The following UVRAG variants were observed in gnomAD, a reference collection of about 807,000 sequenced individuals.
UVRAG encodes UV radiation resistance associated.
UVRAG carries 19 observed loss-of-function variants against 78.0 expected under a neutral mutation model. That is an observed-to-expected ratio of 0.24 (90% CI 0.17 to 0.36). UVRAG has a LOEUF of 0.36. UVRAG is among the 10% of genes least tolerant of loss of function. The pLI, the probability that UVRAG is intolerant of heterozygous loss-of-function variation, is 1.00. For synonymous variants in UVRAG, 323 were observed against 324.6 expected (o/e 1.00, Z 0.05); for missense variants, 740 against 853.8 (o/e 0.87, Z 1.66).
At chr11:76,068,143 G>T (rs948734357) in intron 13 of UVRAG, among the ~76,000 whole-genome samples, 5 of 152,102 alleles carry the variant, frequency 3.3e-5, no homozygotes, top group African/African-American at 1.2e-4. Context: ...CCAAAAGGAT[G>T]GTATGCCAAA....
chr11:76,034,945 T>C (rs1199439238), intron 12 of UVRAG, among the ~76,000 whole-genome samples: 2 of 152,176 alleles, frequency 1.3e-5, no homozygotes, highest in African/African-American at 4.8e-5. Context: ...AACACACCAA[T>C]AAGCAACGGA....
intron 13 of UVRAG, among the ~76,000 whole-genome samples, chr11:76,107,625 G>A (rs958178449): frequency 1.3e-5 from 2 of 152,164 alleles, no homozygotes; most frequent in African/African-American, 2.4e-5. Flanking sequence ...GCAACCAGAG[G>A]CCCATAATCG....
intron 6 of UVRAG, among the ~76,000 whole-genome samples, chr11:75,922,163 A>G (rs1214809828): frequency 1.3e-5 from 2 of 152,084 alleles, no homozygotes; most frequent in African/African-American, 4.8e-5. Context: ...ATTTTATATT[A>G]GTATACCCAT....
chr11:76,046,091 A>G (rs1343600509), intron 12 of UVRAG, among the ~76,000 whole-genome samples: 1 of 152,206 alleles, frequency 6.6e-6, no homozygotes, highest in Non-Finnish European at 1.5e-5. Flanking sequence ...GTTAGAAAGC[A>G]ATGGAACAAT....
intron 6 of UVRAG, among the ~76,000 whole-genome samples, chr11:75,950,206 G>A (rs139645794): frequency 1.1e-4 from 17 of 152,222 alleles, no homozygotes; most frequent in African/African-American, 3.1e-4. Context: ...AAATAAAGCC[G>A]ATAGGAACAC....
intron 6 of UVRAG, among the ~76,000 whole-genome samples, chr11:75,925,069 T>C (rs1948067700): frequency 6.6e-6 from 1 of 152,232 alleles, no homozygotes; most frequent in South Asian, 2.1e-4. Flanking sequence ...TAATTTTGGC[T>C]TGAATTCACA....
chr11:75,896,458 A>G (rs899422778), intron 5 of UVRAG, among the ~76,000 whole-genome samples: 1 of 152,184 alleles, frequency 6.6e-6, no homozygotes, highest in Non-Finnish European at 1.5e-5. Flanking sequence ...TTATGAATGC[A>G]CAGTCCTAGT....
chr11:75,958,844 C>T (rs1417712413), intron 6 of UVRAG, among the ~76,000 whole-genome samples: 1 of 152,184 alleles, frequency 6.6e-6, no homozygotes, highest in Non-Finnish European at 1.5e-5. Context: ...GTTGAAATGC[C>T]TCCTTCATCC....
chr11:76,041,260 G>A (rs1303350674), intron 12 of UVRAG, among the ~76,000 whole-genome samples: 2 of 152,226 alleles, frequency 1.3e-5, no homozygotes, highest in African/African-American at 2.4e-5. Context: ...AAATAAGAGT[G>A]CAAAAGCAGG....
chr11:76,064,624 G>A (rs946883170), intron 12 of UVRAG, among the ~76,000 whole-genome samples: 4 of 152,108 alleles, frequency 2.6e-5, no homozygotes, highest in African/African-American at 9.7e-5. Context: ...ATTTTATAGT[G>A]TAACAAATTT....
At chr11:75,907,209 C>T (rs568527703) in intron 5 of UVRAG, among the ~76,000 whole-genome samples, 3 of 152,056 alleles carry the variant, frequency 2.0e-5, no homozygotes, top group South Asian at 2.1e-4. Context: ...TTTTTCTTGC[C>T]TAATTGTTCT....
intron 12 of UVRAG, among the ~76,000 whole-genome samples, chr11:76,038,987 G>A (rs545172829): frequency 2.6e-5 from 4 of 152,340 alleles, no homozygotes; most frequent in African/African-American, 7.2e-5. Flanking sequence ...ATCCTGAGCA[G>A]AGAACTCATT....
At chr11:75,955,517 T>A (rs1440444834) in intron 6 of UVRAG, among the ~76,000 whole-genome samples, 1 of 152,168 alleles carries the variant, frequency 6.6e-6, no homozygotes, top group African/African-American at 2.4e-5. Flanking sequence ...GATGACCACC[T>A]TTTAAAAACC....
Position 75,879,929 on chromosome 11 carries a change from T to C in UVRAG, c.321T>C (p.Asp107=). ...LDFGIMPDRL[D]TSVSCFVVKI... is the part of the protein sequence containing the mutation. Reference sequence around the variant, plus strand: ...TTGGAATTATGCCAGACCGTCTTGATACATCTGTGTCTTGTTTCGTGGTGA... The same window carrying C: ...TTGGAATTATGCCAGACCGTCTTGACACATCTGTGTCTTGTTTCGTGGTGA... Residue 107 remains aspartate (D), a synonymous_variant, in exon 4 of 15, where the codon GAT becomes GAC. Transcript: ENST00000356136. 6.2e-7 allele frequency: 1 copy of C among 1,614,230 alleles called. No individual in the cohort carries two copies. The highest frequency in any genetic ancestry group is 8.5e-7 in the Non-Finnish European group (1 of 1,180,030).
chr11:76,122,574 A>G (rs1952304520), intron 14 of UVRAG, among the ~76,000 whole-genome samples: 1 of 152,234 alleles, frequency 6.6e-6, no homozygotes, highest in Admixed American at 6.5e-5. Flanking sequence ...AATCGTAGTT[A>G]CTGTCTATAT....
chr11:75,956,687 CTGATA>C (rs1288647417), intron 6 of UVRAG, among the ~76,000 whole-genome samples: 2 of 152,122 alleles, frequency 1.3e-5, no homozygotes, highest in East Asian at 3.8e-4. Flanking sequence ...TTGCACCAGC[CTGATA>C]TATTTTTGCC....
Position 75,913,433 on chromosome 11 carries a change from G to A in UVRAG, c.593+1394G>A, listed in dbSNP as rs1947779352. Among the ~76,000 whole-genome samples, 5 of 152,148 alleles carry A rather than the reference G, an allele frequency of 3.3e-5. No homozygotes were observed. In the South Asian group the frequency reaches 1.0e-3, roughly 32 times the overall value. The stretch of plus-strand genomic sequence containing the variant: ...TTGTGAAGCAGTGTGGTATCATGGA[G>A]GATGCTTTGATTAATCCTACCCTGC... On this transcript the variant is annotated intron_variant, in intron 6 of 14. Transcript: ENST00000356136.
intron 5 of UVRAG, among the ~76,000 whole-genome samples, chr11:75,907,663 A>G (rs1243457655): frequency 6.6e-6 from 1 of 151,870 alleles, no homozygotes; most frequent in East Asian, 1.9e-4. Context: ...GCAGGCATGC[A>G]TCACCATGCC....
intron 7 of UVRAG, among the ~76,000 whole-genome samples, chr11:75,975,387 T>C (rs1033458545): frequency 6.6e-6 from 1 of 152,214 alleles, no homozygotes; most frequent in Non-Finnish European, 1.5e-5. Context: ...AAGTAGTTTT[T>C]TCCAATTCTG....
Sources: allele counts gnomAD v4.1 joint callset (sites outside exome capture counted in the v4.1 genomes callset), GRCh38; gene constraint gnomAD v4.1.1; transcripts MANE v1.5; gene names NCBI Gene and HGNC (gene_info 2026-07-23, HGNC 2026-07-21).